Variants in LRRTM3 observed in about 807,000 individuals in gnomAD.
LRRTM3 encodes the protein leucine-rich repeat transmembrane neuronal protein 3.
In LRRTM3, 24 loss-of-function variants were observed where a neutral mutation model predicts 44.7. That is an observed-to-expected ratio of 0.54 (90% CI 0.39 to 0.76). The LOEUF (loss-of-function observed/expected upper bound fraction) is 0.76, where lower values mean the gene tolerates loss of function less well. Ranked by LOEUF, LRRTM3 falls within the 30% of genes least tolerant of loss-of-function variation. LRRTM3 has a pLI of 0.00. For synonymous variants in LRRTM3, 277 were observed against 278.7 expected, an observed-to-expected ratio of 0.99 and a Z score of 0.06; for missense variants, 587 against 702.2, an observed-to-expected ratio of 0.84 and a Z score of 1.85.
chr10:66,988,146 T>C (rs967171326), intron 2 of LRRTM3, among the ~76,000 whole-genome samples: 3 of 152,156 alleles, frequency 2.0e-5, no homozygotes, highest in Non-Finnish European at 2.9e-5. Flanking sequence ...CCAATTCCTT[T>C]GTAACTTGCT....
intron 2 of LRRTM3, among the ~76,000 whole-genome samples, chr10:66,994,869 A>C (rs1446004362): frequency 6.6e-6 from 1 of 152,198 alleles, no homozygotes; most frequent in African/African-American, 2.4e-5. Flanking sequence ...GCCAAATGTT[A>C]CAATATGAAA....
chr10:67,022,120 A>G (rs148652214), intron 2 of LRRTM3, among the ~76,000 whole-genome samples: 243 of 152,294 alleles, frequency 1.6e-3, no homozygotes, highest in African/African-American at 5.5e-3. Context: ...TTTGAAGCCA[A>G]AGGAGTGGGA....
chr10:66,926,986 C>T lies in LRRTM3; in HGVS notation c.70C>T (p.Leu24=), dbSNP rs1461090208. The part of the protein sequence containing the change: ...VALVIAPTVL[L]TMLSSAERGC... Reference sequence around the variant, plus strand: ...ACTGGTTATAGCCCCCACTGTCTTACTGACAATGCTTTCTTCTGCCGAACG... The same window carrying T: ...ACTGGTTATAGCCCCCACTGTCTTATTGACAATGCTTTCTTCTGCCGAACG... The change falls in exon 2 of 3, where the codon CTG becomes TTG. Residue 24 remains leucine, a synonymous_variant. Transcript: ENST00000361320. 6.2e-7 allele frequency: 1 copy of T among 1,614,140 alleles called. No individual in the cohort carries two copies.
At chr10:66,996,411 C>T (rs558196142) in intron 2 of LRRTM3, among the ~76,000 whole-genome samples, 52 of 151,984 alleles carry the variant, frequency 3.4e-4, no homozygotes, top group African/African-American at 1.2e-3. Context: ...TTTGGGAGGC[C>T]GAGACGGGCA....
At chr10:66,928,547 C>T (rs1847202459) in intron 2 of LRRTM3, 95 bp downstream of exon 2, 2 of 1,104,136 alleles carry the variant, frequency 1.8e-6, no homozygotes, top group East Asian at 2.5e-5. Flanking sequence ...GCGATGCCCC[C>T]CCTCCCCTTC....
intron 2 of LRRTM3, among the ~76,000 whole-genome samples, chr10:66,985,689 CT>C (rs1336267271): frequency 6.6e-6 from 1 of 152,058 alleles, no homozygotes; most frequent in Non-Finnish European, 1.5e-5. Context: ...CCCATTGCCC[CT>C]AGTCACTTCC....
intron 2 of LRRTM3, among the ~76,000 whole-genome samples, chr10:66,953,972 A>C (rs1454660806): frequency 6.6e-6 from 1 of 152,154 alleles, no homozygotes; most frequent in Non-Finnish European, 1.5e-5. Context: ...CTATCACAGA[A>C]GTTTTGAAAT....
intron 2 of LRRTM3, among the ~76,000 whole-genome samples, chr10:67,007,148 A>G (rs1378082015): frequency 6.6e-6 from 1 of 152,180 alleles, no homozygotes; most frequent in Non-Finnish European, 1.5e-5. Flanking sequence ...TAGGTTCAAG[A>G]GCATTGTCAA....
rs1858159190 is a variant in LRRTM3, at chr10:67,098,726, AAT to A, written c.*932_*933del. Reference sequence around the variant, plus strand: ...TTAAAAGGTGCAGCTGCCAGTGACAAATAAAAACTTTTGTTACATCTCATTAT... The same window carrying A: ...TTAAAAGGTGCAGCTGCCAGTGACAAAAAAACTTTTGTTACATCTCATTAT... On this transcript the variant is annotated 3_prime_UTR_variant, in exon 3 of 3. Transcript: ENST00000361320. The A allele has an allele frequency of 6.6e-6, 1 of 152,264 alleles. No individual in the cohort carries two copies. 9.4% of individuals were successfully genotyped at this position (152,264 alleles called of 1,614,324 possible).
chr10:66,936,020 T>C, intron 2 of LRRTM3, among the ~76,000 whole-genome samples: 1 of 152,160 alleles, frequency 6.6e-6, no homozygotes, highest in Non-Finnish European at 1.5e-5. Flanking sequence ...TCTGCCAGTA[T>C]AGTGTTCCTT....
intron 2 of LRRTM3, among the ~76,000 whole-genome samples, chr10:67,093,046 A>T (rs1857750986): frequency 6.6e-6 from 1 of 152,036 alleles, no homozygotes; most frequent in Non-Finnish European, 1.5e-5. Context: ...CTTTCTTGGA[A>T]AACGGTGATT....
chr10:66,975,357 A>C (rs1849970444), intron 2 of LRRTM3, among the ~76,000 whole-genome samples: 1 of 152,200 alleles, frequency 6.6e-6, no homozygotes, highest in Non-Finnish European at 1.5e-5. Flanking sequence ...GCAGATGCCT[A>C]AGCATTGTAG....
chr10:66,941,043 C>T (rs1589457143), intron 2 of LRRTM3, among the ~76,000 whole-genome samples: 1 of 152,326 alleles, frequency 6.6e-6, no homozygotes, highest in South Asian at 2.1e-4. Flanking sequence ...GCCCAACATA[C>T]TCTTAAAGAC....
At chr10:67,090,650 G>A (rs1857575122) in intron 2 of LRRTM3, among the ~76,000 whole-genome samples, 1 of 152,040 alleles carries the variant, frequency 6.6e-6, no homozygotes, top group African/African-American at 2.4e-5. Flanking sequence ...GGCAACCTCT[G>A]TCCAGCATGT....
rs10997451 is a variant in LRRTM3, at chr10:66,952,681, A to C, written c.1536+24229A>C. ...GTCAGGTAAATTGAGGATCTCTCTG[A>C]AAATCCATTTTCCTTTATAATCTGA... On this transcript the variant is annotated intron_variant, in intron 2 of 2. Transcript: ENST00000361320. 0.021 allele frequency among the ~76,000 whole-genome samples: 3,173 copies of C among 152,122 alleles called. 220 individuals carry two copies. The East Asian group carries it at 0.25, about 12-fold the overall frequency.
At chr10:67,028,260 G>A (rs1853511074) in intron 2 of LRRTM3, among the ~76,000 whole-genome samples, 1 of 151,944 alleles carries the variant, frequency 6.6e-6, no homozygotes, top group Non-Finnish European at 1.5e-5. Context: ...TTGTTATTTT[G>A]TTTTGTTATT....
At chr10:67,060,622 C>G (rs1289268053) in intron 2 of LRRTM3, among the ~76,000 whole-genome samples, 2 of 152,112 alleles carry the variant, frequency 1.3e-5, no homozygotes, top group African/African-American at 4.8e-5. Flanking sequence ...TAGCAAAAAT[C>G]TCATGTGCTG....
At chr10:67,025,135 CA>C (rs1173565397) in intron 2 of LRRTM3, among the ~76,000 whole-genome samples, 6 of 28,826 alleles carry the variant, frequency 2.1e-4, no homozygotes, top group African/African-American at 1.4e-4. Context: ...CTGTCAAAAA[CA>C]AAAAAAAAAA....
intron 2 of LRRTM3, among the ~76,000 whole-genome samples, chr10:66,987,181 G>C (rs1171266355): frequency 6.6e-6 from 1 of 152,304 alleles, no homozygotes; most frequent in East Asian, 1.9e-4. Flanking sequence ...AGGACTAAGG[G>C]AGAGGGAAGC....
Sources: gnomAD v4.1 joint callset for allele counts (sites outside exome capture counted in the v4.1 genomes callset) on GRCh38, gnomAD v4.1.1 for gene constraint, MANE v1.5 for transcripts, NCBI Gene and HGNC (gene_info 2026-07-23, HGNC 2026-07-21) for gene names.